Variants in SNTG1 observed in about 807,000 individuals in gnomAD.
SNTG1 encodes syntrophin gamma 1, also known as gamma-1-syntrophin.
In SNTG1, 39 loss-of-function variants were observed where a neutral mutation model predicts 74.7. The ratio of observed to expected loss-of-function variants is 0.52; its 90% CI spans 0.40 to 0.68. The LOEUF (loss-of-function observed/expected upper bound fraction) is 0.68, where lower values mean the gene tolerates loss of function less well. Among genes scored for constraint, SNTG1 ranks in the 30% least tolerant of loss-of-function variants. The pLI, the probability that SNTG1 is intolerant of heterozygous loss-of-function variation, is 0.00. For missense variants in SNTG1, 685 were observed against 609.5 expected (o/e 1.12, Z -1.30); for synonymous variants, 254 against 217.1 (o/e 1.17, Z -1.49).
chr8:50,153,254 A>C (rs972651412), intron 1 of SNTG1, among the ~76,000 whole-genome samples: 3 of 152,180 alleles, frequency 2.0e-5, no homozygotes, highest in Non-Finnish European at 2.9e-5. Context: ...TTTCAGCTCC[A>C]TCAGGTCATT....
At chr8:50,335,934 A>C (rs1181924155) in intron 2 of SNTG1, among the ~76,000 whole-genome samples, 1 of 151,836 alleles carries the variant, frequency 6.6e-6, no homozygotes, top group East Asian at 1.9e-4. Flanking sequence ...GTCATGTTAT[A>C]TAGGTATATA....
At chr8:50,341,027 C>A (rs1049863944) in intron 2 of SNTG1, among the ~76,000 whole-genome samples, 2 of 151,812 alleles carry the variant, frequency 1.3e-5, no homozygotes, top group African/African-American at 4.8e-5. Context: ...CAAATGAAAA[C>A]AAAGAGGTTA....
chr8:50,655,019 GC>G (rs1406839868), intron 13 of SNTG1, among the ~76,000 whole-genome samples: 50 of 152,244 alleles, frequency 3.3e-4, no homozygotes, highest in African/African-American at 1.2e-3. Context: ...CACACCTATG[GC>G]AAAAGTTGAC....
chr8:50,657,662 C>A (rs568859135), intron 14 of SNTG1, among the ~76,000 whole-genome samples: 1 of 152,158 alleles, frequency 6.6e-6, no homozygotes, highest in South Asian at 2.1e-4. Context: ...GGATTCTATC[C>A]TTGGCAAACA....
At chr8:49,944,411 A>G (rs1266553748) in intron 1 of SNTG1, among the ~76,000 whole-genome samples, 1 of 150,484 alleles carries the variant, frequency 6.6e-6, no homozygotes, top group East Asian at 2.0e-4. Context: ...TTCATAACAT[A>G]CATTCTTTCT....
At chr8:50,479,624 A>T (rs539083700) in intron 8 of SNTG1, among the ~76,000 whole-genome samples, 1 of 151,572 alleles carries the variant, frequency 6.6e-6, no homozygotes, top group Non-Finnish European at 1.5e-5. Flanking sequence ...CTTTATTCCA[A>T]CTCTGCCTGA....
chr8:49,991,867 TTAGA>T (rs1813725643), intron 1 of SNTG1, among the ~76,000 whole-genome samples: 1 of 152,178 alleles, frequency 6.6e-6, no homozygotes, highest in South Asian at 2.1e-4. Context: ...TGTTCTAAAA[TTAGA>T]TAGCTGTGAT....
rs1399010640 is a variant in SNTG1 at position 50,502,687 on chromosome 8, G to A, written c.364-91G>A. 6.8e-6 allele frequency: 7 copies of A among 1,030,118 alleles called. No homozygotes were observed. The Admixed American group carries it at 9.7e-5, about 14-fold the overall frequency. 63.8% of individuals were successfully genotyped at this position (1,030,118 alleles called of 1,614,324 possible). A position where few individuals can be genotyped will look rare whatever the true frequency, so the allele number is the denominator to read the frequency against. On this transcript the variant is annotated intron_variant, in intron 8 of 18. Coordinates refer to ENST00000642720, the MANE Select transcript of SNTG1 (RefSeq NM_018967.5). ...TCTGAATACTAGGGAAAAATGGAAGGTGGAAGAAACAACCAATAATTTCAA... is the reference window on the plus strand; with the variant it reads ...TCTGAATACTAGGGAAAAATGGAAGATGGAAGAAACAACCAATAATTTCAA...
At chr8:50,402,427 T>C (rs2092818844) in intron 4 of SNTG1, 83 bp downstream of exon 4, 1 of 1,467,126 alleles carries the variant, frequency 6.8e-7, no homozygotes, top group Non-Finnish European at 9.2e-7. Context: ...ATTTTAAATA[T>C]GTTTTTCTTT....
chr8:50,444,950 T>G (rs755169261), intron 5 of SNTG1, among the ~76,000 whole-genome samples: 2 of 152,190 alleles, frequency 1.3e-5, no homozygotes, highest in Non-Finnish European at 2.9e-5. Context: ...ACAATTAAAT[T>G]GTTTTTAGTA....
chr8:49,923,360 G>A (rs1806726547), intron 1 of SNTG1, among the ~76,000 whole-genome samples: 1 of 151,950 alleles, frequency 6.6e-6, no homozygotes. Context: ...CCTAATAGTA[G>A]AATAATCAAT....
intron 1 of SNTG1, among the ~76,000 whole-genome samples, chr8:49,959,568 T>C (rs888317859): frequency 6.6e-6 from 1 of 152,224 alleles, no homozygotes; most frequent in African/African-American, 2.4e-5. Context: ...GCAACTGACA[T>C]TTTTACTTGG....
intron 15 of SNTG1, 126 bp from the exon 16 acceptor site, chr8:50,704,474 A>G (rs2095436633): frequency 8.6e-7 from 1 of 1,168,718 alleles, no homozygotes; most frequent in East Asian, 2.4e-5. Context: ...TCTAATGAAG[A>G]CTTGGTGAAT....
intron 1 of SNTG1, among the ~76,000 whole-genome samples, chr8:49,981,441 TAAAG>T (rs3081387): frequency 0.88 from 132,774 of 151,716 alleles, 58,256 homozygotes; most frequent in East Asian, 1. Flanking sequence ...ACTGAAATGA[TAAAG>T]AAAGAATCTG....
At chr8:50,514,880 G>A (rs1254549751) in intron 9 of SNTG1, among the ~76,000 whole-genome samples, 1 of 152,000 alleles carries the variant, frequency 6.6e-6, no homozygotes, top group Non-Finnish European at 1.5e-5. Context: ...GTCAAAGTTT[G>A]CTTCATATAT....
rs1326091688 is a variant in SNTG1, at chr8:50,364,938, G to A, written c.-27-29274G>A. On this transcript the variant is annotated intron_variant, in intron 2 of 18. Coordinates refer to ENST00000642720, the MANE Select transcript of SNTG1 (RefSeq NM_018967.5). ...TTTCAAACAGAAAAAATCATTTAAG[G>A]CTTTTTGCAAAACCATAACAAATGT... Among the ~76,000 whole-genome samples, 5 of 151,646 alleles carry A rather than the reference G, an allele frequency of 3.3e-5. No homozygotes were observed. In the South Asian group the frequency reaches 1.0e-3, roughly 32 times the overall value.
At chr8:50,194,771 GT>G (rs1167679214) in intron 2 of SNTG1, among the ~76,000 whole-genome samples, 2 of 151,844 alleles carry the variant, frequency 1.3e-5, no homozygotes, top group African/African-American at 4.8e-5. Context: ...ATGTCAGTTT[GT>G]GCTCTTTCAT....
In SNTG1 at chr8:50,515,239, G is replaced by A. The variant is rs140421027; in HGVS notation, c.466+12359G>A. 2.2e-4 allele frequency among the ~76,000 whole-genome samples: 33 copies of A among 152,178 alleles called. No homozygotes were observed. In the East Asian group the frequency reaches 5.0e-3, roughly 23 times the overall value. ...AGACACACAAATTATTTGGCTTCTT[G>A]TTGCATATAAAAGTTATGCTTATTC... is the stretch of plus-strand genomic sequence containing the variant. On this transcript the variant is annotated intron_variant, in intron 9 of 18. Transcript: ENST00000642720.
intron 1 of SNTG1, among the ~76,000 whole-genome samples, chr8:50,165,294 A>G (rs1267019820): frequency 2.6e-5 from 4 of 152,228 alleles, no homozygotes; most frequent in Non-Finnish European, 5.9e-5. Flanking sequence ...GTGAGAAAAG[A>G]TTAATTTTCT....
Sources: gnomAD v4.1 joint callset for allele counts (sites outside exome capture counted in the v4.1 genomes callset) on GRCh38, gnomAD v4.1.1 for gene constraint, MANE v1.5 for transcripts, NCBI Gene and HGNC (gene_info 2026-07-23, HGNC 2026-07-21) for gene names.